RNF4: variants seen among roughly 807,000 people sequenced by gnomAD.
RNF4 encodes E3 ubiquitin-protein ligase RNF4.
RNF4 carries 7 observed loss-of-function variants against 24.3 expected under a neutral mutation model. The observed-to-expected ratio is 0.29, with a 90% confidence interval of 0.16 to 0.54. RNF4 has a LOEUF of 0.54. Ranked by LOEUF, RNF4 falls within the 20% of genes least tolerant of loss-of-function variation. The probability of loss-of-function intolerance (pLI) is 0.95; values close to 1 mark genes in which losing one functional copy is unlikely to be tolerated. For synonymous variants in RNF4, 83 were observed against 84.3 expected (o/e 0.98, Z 0.09); for missense variants, 209 against 248.5 (o/e 0.84, Z 1.07).
chr4:2,477,663 A>AG (rs1423382428), intron 1 of RNF4, among the ~76,000 whole-genome samples: 1 of 152,168 alleles, frequency 6.6e-6, no homozygotes, highest in Non-Finnish European at 1.5e-5. Flanking sequence ...CATCTATGTA[A>AG]GGCATGACTT....
intron 3 of RNF4, among the ~76,000 whole-genome samples, chr4:2,500,096 G>A (rs1020480858): frequency 6.7e-6 from 1 of 149,142 alleles, no homozygotes; most frequent in Non-Finnish European, 1.5e-5. Context: ...GGCGGAGGTT[G>A]CAGTGAGCCA....
intron 7 of RNF4, 108 bp downstream of exon 7, chr4:2,513,239 C>A: frequency 2.9e-6 from 3 of 1,028,134 alleles, no homozygotes; most frequent in East Asian, 2.4e-5. Context: ...CCCCTACTCA[C>A]AGTCATGCCT....
At chr4:2,492,844 A>C (rs1735621363) in intron 2 of RNF4, among the ~76,000 whole-genome samples, 1 of 152,226 alleles carries the variant, frequency 6.6e-6, no homozygotes, top group Admixed American at 6.5e-5. Flanking sequence ...TAGGTGCTTT[A>C]AGCCTTAACC....
chr4:2,479,324 C>G (rs930035079), intron 1 of RNF4, among the ~76,000 whole-genome samples: 2 of 152,088 alleles, frequency 1.3e-5, no homozygotes, highest in Non-Finnish European at 2.9e-5. Context: ...GACTTTGGGA[C>G]TGTGGGAAGG....
chr4:2,489,277 G>C, intron 1 of RNF4, among the ~76,000 whole-genome samples: 1 of 152,158 alleles, frequency 6.6e-6, no homozygotes, highest in Non-Finnish European at 1.5e-5. Context: ...AGGGTAGACG[G>C]GCACCCAGGG....
At chr4:2,500,511 T>G in intron 3 of RNF4, 148 bp from the exon 4 acceptor site, 1 of 711,634 alleles carries the variant, frequency 1.4e-6, no homozygotes, top group Non-Finnish European at 2.4e-6. Context: ...GAGGGAGGTG[T>G]TGGTCCTGGT....
At chr4:2,501,516 G>A (rs1422091621) in intron 4 of RNF4, among the ~76,000 whole-genome samples, 2 of 152,228 alleles carry the variant, frequency 1.3e-5, no homozygotes, top group Non-Finnish European at 2.9e-5. Context: ...CAGGAGGGAG[G>A]CCTTGTCTGG....
Position 2,512,070 on chromosome 4 carries a change from C to T in RNF4, c.214+105C>T, listed in dbSNP as rs766584163. 2.5e-5 allele frequency: 27 copies of T among 1,088,132 alleles called. 1 individual carries two copies. The East Asian group carries it at 5.8e-4, about 23-fold the overall frequency. 67.4% of individuals were successfully genotyped at this position (1,088,132 alleles called of 1,614,324 possible). ...CCAGACCATCCCCAAGGGCTTGGAG[C>T]GCTCCAAGCAGGAAGATGCCTTCGC... On this transcript the variant is annotated intron_variant, in intron 5 of 7. Transcript: ENST00000314289. The surrounding 1 kb of genome is among the most constrained non-coding windows in gnomAD (Gnocchi z 4.1).
At chr4:2,495,410 A>G (rs1440894685) in intron 2 of RNF4, among the ~76,000 whole-genome samples, 1 of 152,198 alleles carries the variant, frequency 6.6e-6, no homozygotes, top group East Asian at 1.9e-4. Flanking sequence ...GAATTGGGAT[A>G]GTAGTAGCAT....
At chr4:2,474,070 G>C (rs892996723) in intron 1 of RNF4, among the ~76,000 whole-genome samples, 1 of 151,230 alleles carries the variant, frequency 6.6e-6, no homozygotes, top group Non-Finnish European at 1.5e-5. Flanking sequence ...AATAGAGTGA[G>C]ACTTTGTCTC....
intron 4 of RNF4, among the ~76,000 whole-genome samples, chr4:2,508,331 T>G (rs1736163757): frequency 6.6e-6 from 1 of 152,180 alleles, no homozygotes; most frequent in Non-Finnish European, 1.5e-5. Flanking sequence ...ACTCATCTGG[T>G]AGGCATTTAT....
At chr4:2,474,345 T>C (rs1168237451) in intron 1 of RNF4, among the ~76,000 whole-genome samples, 1 of 142,168 alleles carries the variant, frequency 7.0e-6, no homozygotes. Context: ...GCCATTGCAC[T>C]CCATCCAGCC....
At chr4:2,490,693 T>C in intron 2 of RNF4, 191 bp downstream of exon 2, 1 of 569,384 alleles carries the variant, frequency 1.8e-6, no homozygotes, top group Non-Finnish European at 3.1e-6. Flanking sequence ...ATTCGAGTCA[T>C]AAAGGGCAGA....
At chr4:2,475,865 A>C (rs1735055105) in intron 1 of RNF4, among the ~76,000 whole-genome samples, 1 of 152,186 alleles carries the variant, frequency 6.6e-6, no homozygotes, top group Non-Finnish European at 1.5e-5. Context: ...ACAATTAGTA[A>C]GCAGAGCTCG....
rs1578502951 is a variant in RNF4, at chr4:2,482,521, C to T, written c.-157-7816C>T. On this transcript the variant is annotated intron_variant, in intron 1 of 7. Coordinates refer to ENST00000314289, the MANE Select transcript of RNF4 (RefSeq NM_002938.5). ...TTTCCTTCATTATCTTACCCTTTCT[C>T]CTGGCTCCCAGAAATTACCTTGTTT... Among the ~76,000 whole-genome samples, 5 of 152,296 alleles carry T rather than the reference C, an allele frequency of 3.3e-5. 1 individual carries two copies. In the East Asian group the frequency reaches 9.6e-4, roughly 29 times the overall value.
chr4:2,481,164 C>G (rs1440250760), intron 1 of RNF4: 1 of 152,234 alleles, frequency 6.6e-6, no homozygotes, highest in Non-Finnish European at 1.5e-5. Flanking sequence ...AATCTGTAAA[C>G]TGACTGAGGC....
At chr4:2,501,487 G>A (rs1276296338) in intron 4 of RNF4, among the ~76,000 whole-genome samples, 1 of 152,240 alleles carries the variant, frequency 6.6e-6, no homozygotes, top group African/African-American at 2.4e-5. Context: ...GGGGACGTGT[G>A]TATACGTGTC....
At chr4:2,491,847 C>T (rs1302048866) in intron 2 of RNF4, among the ~76,000 whole-genome samples, 1 of 151,922 alleles carries the variant, frequency 6.6e-6, no homozygotes, top group Non-Finnish European at 1.5e-5. Context: ...AATCCTTTCA[C>T]CTCAGCATCC....
chr4:2,512,137 C>T lies in RNF4; in HGVS notation c.214+172C>T, dbSNP rs746536905. On this transcript the variant is annotated intron_variant, in intron 5 of 7. Coordinates refer to ENST00000314289, the MANE Select transcript of RNF4 (RefSeq NM_002938.5). The surrounding 1 kb of genome is among the most constrained non-coding windows in gnomAD (Gnocchi z 4.1). Reference sequence around the variant, plus strand: ...CCCACACAGCCAGTCCCCCTTGTGCCTGCTGAAGAAACTTCACCACTATCA... The same window carrying T: ...CCCACACAGCCAGTCCCCCTTGTGCTTGCTGAAGAAACTTCACCACTATCA... 3.0e-6 allele frequency: 2 copies of T among 663,918 alleles called. No homozygotes were observed. Among genetic ancestry groups the T allele is most frequent in the East Asian group, 2.7e-5 (1 of 36,962 alleles). The allele number at this position is 663,918 out of a possible 1,614,324, so 41.1% of individuals were successfully genotyped here.
Sources: gnomAD v4.1 joint callset for allele counts (sites outside exome capture counted in the v4.1 genomes callset) on GRCh38, gnomAD v4.1.1 for gene constraint, Gnocchi (gnomAD v3.1) non-coding constraint, MANE v1.5 for transcripts, NCBI Gene and HGNC (gene_info 2026-07-23, HGNC 2026-07-21) for gene names.